FAM81A: variants seen among roughly 807,000 people sequenced by gnomAD.
FAM81A encodes the protein protein FAM81A.
FAM81A carries 19 observed loss-of-function variants against 46.7 expected under a neutral mutation model. The observed-to-expected ratio is 0.41, with a 90% CI of 0.28 to 0.60. The LOEUF is 0.60. Ranked by LOEUF, FAM81A falls within the 20% of genes least tolerant of loss-of-function variation. The probability of loss-of-function intolerance (pLI) is 0.34; values close to 1 mark genes in which losing one functional copy is unlikely to be tolerated. For missense variants in FAM81A, 377 were observed against 453.5 expected (o/e 0.83, Z 1.53); for synonymous variants, 183 against 152.9 (o/e 1.20, Z -1.45).
At chr15:59,417,498 G>A (rs1335484245) in intron 2 of FAM81A, among the ~76,000 whole-genome samples, 1 of 151,612 alleles carries the variant, frequency 6.6e-6, no homozygotes, top group South Asian at 2.1e-4. Flanking sequence ...TTGAGGTCAG[G>A]AGTTCGAGAC....
intron 3 of FAM81A, among the ~76,000 whole-genome samples, chr15:59,490,404 T>C (rs1240585280): frequency 6.6e-6 from 1 of 150,820 alleles, no homozygotes; most frequent in African/African-American, 2.5e-5. Context: ...AAGAAAAAAA[T>C]CTAATAATCT....
intron 3 of FAM81A, among the ~76,000 whole-genome samples, chr15:59,485,186 A>T (rs775226263): frequency 2.6e-5 from 4 of 152,122 alleles, no homozygotes; most frequent in Non-Finnish European, 4.4e-5. Flanking sequence ...GCCTGGGGGA[A>T]CTCATTGCCC....
chr15:59,509,592 T>G (rs916077306), intron 6 of FAM81A, among the ~76,000 whole-genome samples: 1 of 152,126 alleles, frequency 6.6e-6, no homozygotes, highest in African/African-American at 2.4e-5. Context: ...GAAGCGAGAC[T>G]GCAGTGATGC....
intron 3 of FAM81A, among the ~76,000 whole-genome samples, chr15:59,464,988 G>A (rs1271595512): frequency 1.4e-4 from 22 of 152,122 alleles, no homozygotes; most frequent in Admixed American, 5.2e-4. Context: ...GTTTATTTTT[G>A]TATTGGGTGA....
upstream of FAM81A, chr15:59,438,131 C>T (rs1476329999): frequency 6.8e-6 from 1 of 146,094 alleles, no homozygotes; most frequent in Admixed American, 6.8e-5. Flanking sequence ...GGCCGCGCGC[C>T]GGGCCAGGCG....
chr15:59,421,586 G>C (rs1007705237), intron 2 of FAM81A, among the ~76,000 whole-genome samples: 2 of 152,100 alleles, frequency 1.3e-5, no homozygotes, highest in Non-Finnish European at 2.9e-5. Context: ...CTACTTTGCC[G>C]TTGCTGCCTG....
At chr15:59,508,458 T>C (rs554500936) in intron 5 of FAM81A, among the ~76,000 whole-genome samples, 1 of 152,216 alleles carries the variant, frequency 6.6e-6, no homozygotes, top group Non-Finnish European at 1.5e-5. Context: ...TGACTTGTTA[T>C]GGAGGTAAAT....
chr15:59,456,050 C>T lies in FAM81A; in HGVS notation c.-77-2500C>T, dbSNP rs186070435. Among the ~76,000 whole-genome samples, 289 of 152,182 alleles carry T rather than the reference C, an allele frequency of 1.9e-3. 2 individuals are homozygous for T. Among genetic ancestry groups the T allele is most frequent in the African/African-American group, 6.6e-3 (275 of 41,498 alleles). ...CGTGTCATTTAGTAGGGGAGCTAGA[C>T]TATTAAACAACTAAAAAGAATAGAG... On this transcript the variant is annotated intron_variant, in intron 1 of 8. Transcript: ENST00000288228.
At chr15:59,507,376 G>GTAATTTGT (rs1194936601) in intron 5 of FAM81A, 34 bp downstream of exon 5, 2 of 1,602,638 alleles carry the variant, frequency 1.2e-6, no homozygotes, top group Non-Finnish European at 1.7e-6. Context: ...TTAGAAGCGG[G>GTAATTTGT]TAATTTGTTC....
chr15:59,464,822 A>C (rs2081593292), intron 3 of FAM81A, among the ~76,000 whole-genome samples: 1 of 152,036 alleles, frequency 6.6e-6, no homozygotes, highest in Non-Finnish European at 1.5e-5. Flanking sequence ...TGTTTGATAT[A>C]ATCCATTTGT....
chr15:59,516,744 A>G lies in FAM81A; in HGVS notation c.886A>G (p.Thr296Ala), dbSNP rs2082271860. The part of the protein sequence containing the change: ...GQKKTFDGQR[T>A]RQEEEKMHGR... ...AAAGAAGACTTTTGATGGTCAGAGA[A>G]CAAGGCAAGAAGAGGAGAAGATGCA... Residue 296 changes from threonine to alanine, a missense_variant, in exon 8 of 9, where the codon ACA (threonine) becomes GCA (alanine). Coordinates refer to ENST00000288228, the MANE Select transcript of FAM81A (RefSeq NM_152450.3). The G allele has an allele frequency of 1.9e-6, 3 of 1,613,672 alleles. No homozygotes were observed. The highest frequency in any genetic ancestry group is 2.5e-6 in the Non-Finnish European group (3 of 1,179,832).
chr15:59,468,201 A>T (rs2081639541), intron 3 of FAM81A, among the ~76,000 whole-genome samples: 1 of 152,178 alleles, frequency 6.6e-6, no homozygotes. Context: ...AGGCTTTGGT[A>T]TCAGGAAGAT....
intron 1 of FAM81A, among the ~76,000 whole-genome samples, chr15:59,450,584 C>T (rs1262450520): frequency 6.6e-6 from 1 of 152,024 alleles, no homozygotes; most frequent in Admixed American, 6.6e-5. Context: ...TTGATTTTTG[C>T]CAGTCTGATG....
rs373110741 is a variant in FAM81A, at chr15:59,459,929, G to A, written c.21-4G>A. ...TTAACAACCCTCATGGTTCCCTTCT[G>A]CAGGCGAGTGAGAACCATGCCCCGA... On this transcript the variant is annotated splice_polypyrimidine_tract_variant and splice_region_variant and intron_variant, in intron 2 of 8. Transcript: ENST00000288228. 11 of 1,589,066 alleles carry A rather than the reference G, an allele frequency of 6.9e-6. No individual in the cohort carries two copies. In the African/African-American group the frequency reaches 1.5e-4, roughly 21 times the overall value.
chr15:59,470,666 G>T (rs748891307), intron 3 of FAM81A, among the ~76,000 whole-genome samples: 2 of 152,122 alleles, frequency 1.3e-5, no homozygotes, highest in Non-Finnish European at 2.9e-5. Context: ...CTTTAGCTCA[G>T]AGAACTTTGT....
chr15:59,512,160 C>T (rs772561497), intron 6 of FAM81A, among the ~76,000 whole-genome samples: 13 of 152,004 alleles, frequency 8.6e-5, no homozygotes, highest in South Asian at 2.1e-4. Flanking sequence ...CACTTTAGTA[C>T]GTTCCATTTG....
rs757722977 is a variant in FAM81A, at chr15:59,514,314, A to G, written c.676A>G (p.Ser226Gly). The change falls in exon 7 of 9, where the codon AGT (serine) becomes GGT (glycine). Residue 226 changes from serine (S) to glycine (G), a missense_variant. Coordinates refer to ENST00000288228, the MANE Select transcript of FAM81A (RefSeq NM_152450.3). The part of the protein sequence containing the change: ...TKFKGTVEEL[S>G]NQILSARSWL... Reference sequence around the variant, plus strand: ...ATTTAAAGGTACAGTTGAGGAACTCAGTAACCAGATATTATCTGCACGGAG... The same window carrying G: ...ATTTAAAGGTACAGTTGAGGAACTCGGTAACCAGATATTATCTGCACGGAG... The G allele has an allele frequency of 6.2e-7, 1 of 1,610,716 alleles. No homozygotes were observed. The highest frequency in any genetic ancestry group is 2.2e-5 in the East Asian group (1 of 44,856).
At chr15:59,443,025 A>T (rs2081317021) in intron 1 of FAM81A, among the ~76,000 whole-genome samples, 1 of 152,246 alleles carries the variant, frequency 6.6e-6, no homozygotes, top group Non-Finnish European at 1.5e-5. Context: ...TTATTCATGT[A>T]TCATCTATTG....
rs78895858 is a variant in FAM81A, at chr15:59,411,381, A to C, written c.-78+9023A>C. 6.6e-5 allele frequency among the ~76,000 whole-genome samples: 10 copies of C among 152,310 alleles called. No individual in the cohort carries two copies. The South Asian group carries it at 2.1e-3, about 32-fold the overall frequency. ...CAAAGAGGTATATATGCATCTTCCAATAGAGATCACTGGGGTTCCCACAAG... is the reference window on the plus strand; with the variant it reads ...CAAAGAGGTATATATGCATCTTCCACTAGAGATCACTGGGGTTCCCACAAG... On this transcript the variant is annotated intron_variant, in intron 2 of 4. Coordinates refer to the FAM81A transcript ENST00000558348.
Sources: gnomAD v4.1 joint callset for allele counts (sites outside exome capture counted in the v4.1 genomes callset) on GRCh38, gnomAD v4.1.1 for gene constraint, MANE v1.5 for transcripts, NCBI Gene and HGNC (gene_info 2026-07-23, HGNC 2026-07-21) for gene names.